The following BACH2 variants were observed in gnomAD, a reference collection of about 807,000 sequenced individuals.
BACH2 encodes the protein BACH transcriptional regulator 2, also known as transcription regulator protein BACH2.
BACH2 carries 5 observed loss-of-function variants against 61.8 expected under a neutral mutation model. That is an observed-to-expected ratio of 0.08 (90% confidence interval 0.04 to 0.17). BACH2 has a LOEUF of 0.17. Among genes scored for constraint, BACH2 ranks in the 10% least tolerant of loss-of-function variants. The pLI is 1.00. For synonymous variants in BACH2, 446 were observed against 440.1 expected (o/e 1.01, Z -0.17); for missense variants, 824 against 1,091.1 (o/e 0.76, Z 3.45).
chr6:90,036,181 A>G (rs943900917), intron 5 of BACH2, among the ~76,000 whole-genome samples: 1 of 150,864 alleles, frequency 6.6e-6, no homozygotes, highest in African/African-American at 2.4e-5. Context: ...TCTGGGCTAC[A>G]TGCAGGCAGT....
Position 90,119,079 on chromosome 6 carries a change from T to C in BACH2, c.-161-29970A>G, listed in dbSNP as rs530807125. Among the ~76,000 whole-genome samples the C allele has an allele frequency of 3.9e-5, 6 of 152,332 alleles. No homozygotes were observed. In the East Asian group the frequency reaches 1.2e-3, roughly 29 times the overall value. On this transcript the variant is annotated intron_variant, in intron 4 of 8. Coordinates refer to ENST00000257749, the MANE Select transcript of BACH2 (RefSeq NM_021813.4). ...AAATATATGTTATCATCCACCTTCCTTTGCACAAACATGTGACATGATATC... is the reference window on the plus strand; with the variant it reads ...AAATATATGTTATCATCCACCTTCCCTTGCACAAACATGTGACATGATATC...
In BACH2 at chr6:90,138,895, G is replaced by T. The variant is rs372578051; in HGVS notation, c.-161-49786C>A. On this transcript the variant is annotated intron_variant, in intron 4 of 8. Coordinates refer to ENST00000257749, the MANE Select transcript of BACH2 (RefSeq NM_021813.4). ...ATTAATTCACGTACCACATGGTTTT[G>T]TAACAAGAAAGCGGAATGGGAAGGA... Among the ~76,000 whole-genome samples, 3 of 152,270 alleles carry T rather than the reference G, an allele frequency of 2.0e-5. No homozygotes were observed. In the East Asian group the frequency reaches 5.8e-4, roughly 29 times the overall value.
intron 8 of BACH2, among the ~76,000 whole-genome samples, chr6:89,936,740 C>A (rs375724527): frequency 6.6e-6 from 1 of 152,138 alleles, no homozygotes; most frequent in Non-Finnish European, 1.5e-5. Context: ...TAACAAAAAA[C>A]CCTGACGTCC....
intron 4 of BACH2, among the ~76,000 whole-genome samples, chr6:90,145,322 T>A (rs1784580795): frequency 6.6e-6 from 1 of 152,220 alleles, no homozygotes; most frequent in Admixed American, 6.5e-5. Context: ...TAGTATTAAG[T>A]GCTGAAACAC....
chr6:89,985,756 G>A (rs6928055), intron 6 of BACH2, among the ~76,000 whole-genome samples: 14,620 of 152,248 alleles, frequency 0.096, 788 homozygotes, highest in African/African-American at 0.14. Flanking sequence ...GGAAACTGGT[G>A]TTAAAGCAGT....
At chr6:90,045,201 T>C (rs1779721217) in intron 5 of BACH2, among the ~76,000 whole-genome samples, 2 of 152,228 alleles carry the variant, frequency 1.3e-5, no homozygotes, top group Non-Finnish European at 2.9e-5. Flanking sequence ...TCCAGACTTT[T>C]CCCTTACATG....
At chr6:89,996,528 C>T (rs72923956) in intron 6 of BACH2, among the ~76,000 whole-genome samples, 10,855 of 152,124 alleles carry the variant, frequency 0.071, 570 homozygotes, top group East Asian at 0.19. Flanking sequence ...TGACTTATTT[C>T]CCCAAATCTC....
chr6:90,078,290 C>T (rs1269369705), intron 5 of BACH2, among the ~76,000 whole-genome samples: 2 of 152,084 alleles, frequency 1.3e-5, no homozygotes, highest in African/African-American at 4.8e-5. Context: ...TTAACATGCA[C>T]AGATGTTAGA....
chr6:90,026,311 C>T (rs1366122579), intron 5 of BACH2, among the ~76,000 whole-genome samples: 1 of 152,116 alleles, frequency 6.6e-6, no homozygotes, highest in East Asian at 1.9e-4. Context: ...TATCAAAGTG[C>T]TATAATTAAA....
intron 2 of BACH2, among the ~76,000 whole-genome samples, chr6:90,260,983 T>C (rs1771138631): frequency 6.6e-6 from 1 of 152,202 alleles, no homozygotes; most frequent in South Asian, 2.1e-4. Context: ...TGCTTGGTCA[T>C]GACTGGGAGA....
intron 3 of BACH2, among the ~76,000 whole-genome samples, chr6:90,219,059 G>C (rs1452064799): frequency 1.3e-5 from 2 of 151,666 alleles, no homozygotes; most frequent in African/African-American, 2.4e-5. Flanking sequence ...TGGAGTGAAG[G>C]CTTGTAAAAA....
At chr6:90,080,783 C>T in intron 5 of BACH2, 1 of 985,300 alleles carries the variant, frequency 1.0e-6, no homozygotes. Flanking sequence ...TATCCAGAAA[C>T]TAGAGGAAAT....
chr6:90,108,876 C>T (rs560478780), intron 4 of BACH2, among the ~76,000 whole-genome samples: 1 of 152,314 alleles, frequency 6.6e-6, no homozygotes, highest in South Asian at 2.1e-4. Flanking sequence ...TTTCTGTTTG[C>T]TCTTTCCCCT....
intron 5 of BACH2, among the ~76,000 whole-genome samples, chr6:90,009,524 G>A (rs1016692442): frequency 4.6e-5 from 7 of 152,156 alleles, no homozygotes; most frequent in African/African-American, 1.7e-4. Flanking sequence ...TTGTGCTGTC[G>A]TTATCCCAGC....
At chr6:90,180,504 G>A (rs1768121564) in intron 4 of BACH2, among the ~76,000 whole-genome samples, 1 of 152,082 alleles carries the variant, frequency 6.6e-6, no homozygotes, top group Non-Finnish European at 1.5e-5. Context: ...TACCCAACAG[G>A]TAGCTTTTCA....
chr6:90,195,956 G>C (rs1582472800), intron 4 of BACH2, among the ~76,000 whole-genome samples: 1 of 152,180 alleles, frequency 6.6e-6, no homozygotes, highest in Admixed American at 6.5e-5. Flanking sequence ...CTGTTACATA[G>C]GGACTCCACT....
intron 5 of BACH2, among the ~76,000 whole-genome samples, chr6:90,031,649 G>A (rs1778989016): frequency 6.6e-6 from 1 of 152,170 alleles, no homozygotes; most frequent in Non-Finnish European, 1.5e-5. Flanking sequence ...ACATACAAGG[G>A]ATGTGAAGGA....
intron 5 of BACH2, among the ~76,000 whole-genome samples, chr6:90,087,717 C>G (rs1456942125): frequency 6.7e-6 from 1 of 148,474 alleles, no homozygotes; most frequent in African/African-American, 2.4e-5. Flanking sequence ...GCTTCCCTTC[C>G]CATGTGTGTG....
chr6:90,213,271 C>T (rs1028672561), intron 3 of BACH2, among the ~76,000 whole-genome samples: 1 of 152,224 alleles, frequency 6.6e-6, no homozygotes, highest in African/African-American at 2.4e-5. Flanking sequence ...GCTTCTGATA[C>T]TCAAGAAACG....
Sources: allele counts gnomAD v4.1 joint callset (sites outside exome capture counted in the v4.1 genomes callset), GRCh38; gene constraint gnomAD v4.1.1; transcripts MANE v1.5; gene names NCBI Gene and HGNC (gene_info 2026-07-23, HGNC 2026-07-21).